Variants in TPTE2 observed in about 807,000 individuals in gnomAD.
The protein encoded by TPTE2 is transmembrane phosphoinositide 3-phosphatase and tensin homolog 2.
Under a neutral mutation model 78.6 loss-of-function variants are expected in TPTE2, and 53 were observed. The ratio of observed to expected loss-of-function variants is 0.67; its 90% CI spans 0.54 to 0.85. The LOEUF (loss-of-function observed/expected upper bound fraction) is 0.85. TPTE2 is among the 40% of genes least tolerant of loss of function. The pLI, the probability that TPTE2 is intolerant of heterozygous loss-of-function variation, is 0.00. For synonymous variants in TPTE2, 175 were observed against 206.2 expected (o/e 0.85, Z 1.30); for missense variants, 461 against 623.0 (o/e 0.74, Z 2.77).
chr13:19,487,932 A>G (rs1236121405), intron 3 of TPTE2, among the ~76,000 whole-genome samples: 1 of 152,170 alleles, frequency 6.6e-6, no homozygotes. Context: ...CTCCTGTTGT[A>G]AAGACTTTGT....
chr13:19,476,269 A>G (rs1593382171), intron 4 of TPTE2, among the ~76,000 whole-genome samples: 1 of 151,998 alleles, frequency 6.6e-6, no homozygotes, highest in African/African-American at 2.4e-5. Flanking sequence ...ATAATGCCTC[A>G]TTTTACCTTA....
intron 5 of TPTE2, among the ~76,000 whole-genome samples, chr13:19,474,415 T>G (rs1242353187): frequency 6.6e-6 from 1 of 152,226 alleles, no homozygotes; most frequent in East Asian, 1.9e-4. Flanking sequence ...TTACAAACTC[T>G]TCCTAAAATT....
intron 13 of TPTE2, among the ~76,000 whole-genome samples, chr13:19,442,032 C>T (rs1221524625): frequency 6.6e-6 from 1 of 151,884 alleles, no homozygotes; most frequent in Non-Finnish European, 1.5e-5. Context: ...TATTAAAATT[C>T]AATGGAACGA....
intron 19 of TPTE2, among the ~76,000 whole-genome samples, chr13:19,423,928 T>C (rs956270633): frequency 1.3e-5 from 2 of 152,318 alleles, no homozygotes; most frequent in African/African-American, 4.8e-5. Context: ...TTTGCTCATG[T>C]TAGAAGAAAA....
intron 15 of TPTE2, among the ~76,000 whole-genome samples, chr13:19,435,428 G>T: frequency 6.6e-6 from 1 of 152,158 alleles, no homozygotes; most frequent in East Asian, 1.9e-4. Context: ...AGAGTGGAGA[G>T]TGGGGTTGAG....
At position 19,452,948 on chromosome 13, in the gene TPTE2, AT is replaced by A. The variant is rs555664678; in HGVS notation, c.742-1724del. The stretch of plus-strand genomic sequence containing the variant: ...TTTAGAATACTGTCCTGTCCTTCAT[AT>A]TTTTTTATTTTATTTTATTTTATTT... On this transcript the variant is annotated intron_variant, in intron 10 of 19. Transcript: ENST00000400230. Among the ~76,000 whole-genome samples the A allele has an allele frequency of 2.7e-3, 402 of 148,260 alleles. 9 individuals are homozygous for A. In the South Asian group the frequency reaches 0.041, roughly 15 times the overall value.
intron 7 of TPTE2, among the ~76,000 whole-genome samples, chr13:19,466,371 A>G (rs572514905): frequency 6.6e-6 from 1 of 152,342 alleles, no homozygotes; most frequent in South Asian, 2.1e-4. Flanking sequence ...CCAAAAGCCA[A>G]TCACTTAACA....
upstream of TPTE2, among the ~76,000 whole-genome samples, chr13:19,504,297 T>G (rs1383873784): frequency 6.6e-6 from 1 of 152,124 alleles, no homozygotes; most frequent in Non-Finnish European, 1.5e-5. Context: ...CAAATCCCCT[T>G]GACCTCATCT....
the TPTE2 span, among the ~76,000 whole-genome samples, chr13:19,542,714 G>T: frequency 6.6e-6 from 1 of 152,134 alleles, no homozygotes; most frequent in Non-Finnish European, 1.5e-5. Flanking sequence ...TTTCATGTAG[G>T]CCAGGCATGG....
At position 19,463,898 on chromosome 13, in the gene TPTE2, T is replaced by C. The variant is rs1170157569; in HGVS notation, c.741+558A>G. Among the ~76,000 whole-genome samples the C allele has an allele frequency of 2.0e-5, 3 of 152,224 alleles. No individual in the cohort carries two copies. In the East Asian group the frequency reaches 5.8e-4, roughly 29 times the overall value. ...TGCATGCTAGCTGCAGTGGCTTTGCTAGCTGTGGGGTATTGCCAACAGCAG... is the reference window on the plus strand; with the variant it reads ...TGCATGCTAGCTGCAGTGGCTTTGCCAGCTGTGGGGTATTGCCAACAGCAG... On this transcript the variant is annotated intron_variant, in intron 10 of 19. Transcript: ENST00000400230.
At chr13:19,470,510 T>A (rs1420700980) in intron 6 of TPTE2, among the ~76,000 whole-genome samples, 1 of 152,042 alleles carries the variant, frequency 6.6e-6, no homozygotes, top group Non-Finnish European at 1.5e-5. Flanking sequence ...TTTTTGGGTT[T>A]TTTCATTTGT....
chr13:19,515,525 G>A (rs1278066194), intron 1 of TPTE2, among the ~76,000 whole-genome samples: 2 of 152,070 alleles, frequency 1.3e-5, no homozygotes, highest in African/African-American at 2.4e-5. Flanking sequence ...ACCAAATCTC[G>A]TTAGCCTGGT....
At chr13:19,544,964 A>G in the TPTE2 span, among the ~76,000 whole-genome samples, 1 of 150,622 alleles carries the variant, frequency 6.6e-6, no homozygotes, top group African/African-American at 2.4e-5. Context: ...ACACACACAC[A>G]CACACACACA....
At chr13:19,458,080 C>T (rs1878658014) in intron 10 of TPTE2, among the ~76,000 whole-genome samples, 1 of 152,032 alleles carries the variant, frequency 6.6e-6, no homozygotes, top group African/African-American at 2.4e-5. Context: ...AATATAAAAC[C>T]AATCTTCAAT....
chr13:19,467,785 A>AT (rs926333305), intron 6 of TPTE2, among the ~76,000 whole-genome samples: 2 of 151,268 alleles, frequency 1.3e-5, no homozygotes, highest in South Asian at 2.1e-4. Flanking sequence ...TACTCATTCT[A>AT]TTTTTTTGTA....
intron 16 of TPTE2, among the ~76,000 whole-genome samples, chr13:19,431,237 T>C (rs921851124): frequency 1.4e-4 from 21 of 152,154 alleles, no homozygotes; most frequent in Non-Finnish European, 2.9e-4. Flanking sequence ...TGATTCTTAA[T>C]AATAAATACT....
intron 4 of TPTE2, among the ~76,000 whole-genome samples, chr13:19,476,905 T>C (rs1423846849): frequency 5.3e-5 from 8 of 152,218 alleles, no homozygotes; most frequent in African/African-American, 1.9e-4. Flanking sequence ...TAAAGATACA[T>C]GCATATGAAT....
At chr13:19,487,616 T>A (rs1880738920) in intron 3 of TPTE2, among the ~76,000 whole-genome samples, 1 of 152,104 alleles carries the variant, frequency 6.6e-6, no homozygotes. Flanking sequence ...TGCTCTGCAT[T>A]ACTTGAGTTA....
intron 1 of TPTE2, among the ~76,000 whole-genome samples, chr13:19,522,657 A>C (rs114273184): frequency 0.027 from 3,592 of 133,002 alleles, 122 homozygotes; most frequent in African/African-American, 0.082. Context: ...GAGTCTCGCT[A>C]CATCACCCAG....
Sources: allele counts gnomAD v4.1 joint callset (sites outside exome capture counted in the v4.1 genomes callset), GRCh38; gene constraint gnomAD v4.1.1; transcripts MANE v1.5; gene names NCBI Gene and HGNC (gene_info 2026-07-23, HGNC 2026-07-21).